The following ZNF577 variants were observed in gnomAD, a reference collection of about 807,000 sequenced individuals.
The protein encoded by ZNF577 is zinc finger protein 577.
ZNF577 carries 14 observed loss-of-function variants against 13.9 expected under a neutral mutation model. The observed-to-expected ratio is 1.00, with a 90% CI of 0.66 to 1.57. The LOEUF is 1.57. Among genes scored for constraint, ZNF577 ranks in the 40% most tolerant of loss-of-function variants. The pLI, the probability that ZNF577 is intolerant of heterozygous loss-of-function variation, is 0.00. For missense variants in ZNF577, 555 were observed against 579.2 expected, an observed-to-expected ratio of 0.96 and a Z score of 0.43; for synonymous variants, 203 against 202.9, an observed-to-expected ratio of 1.00 and a Z score of 0.00.
intron 9 of ZNF577, among the ~76,000 whole-genome samples, chr19:51,832,519 C>T (rs1038614589): frequency 2.0e-5 from 3 of 151,992 alleles, no homozygotes; most frequent in Non-Finnish European, 4.4e-5. Context: ...CCATGCCTGG[C>T]TAATCAACCA....
At chr19:51,839,212 T>G (rs941352900) in intron 9 of ZNF577, among the ~76,000 whole-genome samples, 6 of 152,166 alleles carry the variant, frequency 3.9e-5, no homozygotes, top group Admixed American at 1.3e-4. Context: ...ACTAAAATGT[T>G]ATTTCAAAGG....
intron 5 of ZNF577, among the ~76,000 whole-genome samples, chr19:51,845,413 C>T (rs955107229): frequency 5.9e-5 from 9 of 151,796 alleles, no homozygotes; most frequent in Admixed American, 2.0e-4. Context: ...CGCTTGAACC[C>T]GGGAGGTGGA....
Position 51,824,265 on chromosome 19 carries a change from G to A in ZNF577, c.*600-12591C>T, listed in dbSNP as rs770844356. On this transcript the variant is annotated intron_variant and NMD_transcript_variant, in intron 9 of 10. Transcript: ENST00000638827. This position sits in a 1 kb window ranked among gnomAD's most constrained non-coding sequence, Gnocchi z 4.7. ...GACTACAATAAGTACTACGAATGGG[G>A]ACACATACTGTATTTTCAACTTTGC... The A allele has an allele frequency of 2.0e-5, 32 of 1,614,046 alleles. No individual in the cohort carries two copies. In the Admixed American group the frequency reaches 5.3e-4, roughly 27 times the overall value.
At chr19:51,844,617 G>C (rs901988758) in intron 6 of ZNF577, 1 of 152,096 alleles carries the variant, frequency 6.6e-6, no homozygotes, top group African/African-American at 2.4e-5. Context: ...TTCCTAACTG[G>C]CTACTCTTGA....
chr19:51,878,150 A>G, intron 4 of ZNF577: 3 of 263,894 alleles, frequency 1.1e-5, no homozygotes, highest in Non-Finnish European at 2.2e-5. Flanking sequence ...ACAGAGTTTC[A>G]GTTTTAGAAG....
At chr19:51,840,643 C>T (rs1457570247) in intron 8 of ZNF577, 1 of 152,102 alleles carries the variant, frequency 6.6e-6, no homozygotes, top group African/African-American at 2.4e-5. Flanking sequence ...CATGTGTATT[C>T]TGAACAGTCA....
downstream of ZNF577, among the ~76,000 whole-genome samples, chr19:51,863,942 G>A (rs1266145567): frequency 2.6e-5 from 4 of 152,130 alleles, no homozygotes; most frequent in African/African-American, 4.8e-5. Context: ...AAACAAAAAC[G>A]TTTAGGCCGA....
chr19:51,831,240 T>A (rs2084259729), intron 9 of ZNF577, among the ~76,000 whole-genome samples: 1 of 152,106 alleles, frequency 6.6e-6, no homozygotes, highest in Admixed American at 6.5e-5. Context: ...TTCAGCCTCC[T>A]AAGTAGTTGG....
chr19:51,845,098 G>A (rs2084343588), intron 5 of ZNF577, among the ~76,000 whole-genome samples: 1 of 152,088 alleles, frequency 6.6e-6, no homozygotes, highest in African/African-American at 2.4e-5. Context: ...TATATACTGT[G>A]GAATGGCTAA....
chr19:51,873,341 T>C lies in ZNF577; in HGVS notation c.649A>G (p.Ser217Gly), dbSNP rs575144492. 21 of 1,614,222 alleles carry C rather than the reference T, an allele frequency of 1.3e-5. No individual in the cohort carries two copies. In the African/African-American group the frequency reaches 2.3e-4, roughly 17 times the overall value. The change falls in exon 6 of 6, where the codon AGT becomes GGT. Residue 217 changes from serine (S) to glycine (G), a missense_variant. Ser to Gly is a moderately conservative substitution (Grantham distance 56). Transcript: ENST00000638348. ...THTGEKPHEC[S>G]ECGKAFSRKS... ...CTGGAGAAGGCTTTTCCACATTCAC[T>C]ACATTCATGGGGCTTCTCTCCTGTG...
chr19:51,874,469 G>GA (rs2084722835), intron 5 of ZNF577, among the ~76,000 whole-genome samples: 1 of 146,956 alleles, frequency 6.8e-6, no homozygotes, highest in Non-Finnish European at 1.5e-5. Context: ...CCCAGAGGCA[G>GA]AAAAAACTTA....
rs1353806217 is a variant in ZNF577 at position 51,841,651 on chromosome 19, GCTCATGCCTGTAAT to G, written c.*374+1156_*374+1169del. On this transcript the variant is annotated intron_variant and NMD_transcript_variant, in intron 8 of 10. Transcript: ENST00000638827. ...AGAAAATATTAGGCCCGATGCGGTGGCTCATGCCTGTAATCTCAGCACTTTGGGGGGCCAAGGCG... is the reference window on the plus strand; with the variant it reads ...AGAAAATATTAGGCCCGATGCGGTGGCTCAGCACTTTGGGGGGCCAAGGCG... Among the ~76,000 whole-genome samples the G allele has an allele frequency of 4.6e-5, 7 of 152,294 alleles. No homozygotes were observed. The East Asian group carries it at 1.4e-3, about 29-fold the overall frequency.
chr19:51,869,931 A>G lies in ZNF577; in HGVS notation c.*2601T>C, dbSNP rs913049315. 1.3e-5 allele frequency among the ~76,000 whole-genome samples: 2 copies of G among 152,140 alleles called. No individual in the cohort carries two copies. Among genetic ancestry groups the G allele is most frequent in the African/African-American group, 4.8e-5 (2 of 41,418 alleles). On this transcript the variant is annotated 3_prime_UTR_variant, in exon 6 of 6. Transcript: ENST00000638348. ...GCCTCAGTTCCCAGAGAAGGCAAAG[A>G]GGGGCTAAACACCGGGTAGACTACA... is the stretch of plus-strand genomic sequence containing the variant.
intron 9 of ZNF577, among the ~76,000 whole-genome samples, chr19:51,813,903 T>C (rs924486269): frequency 6.6e-6 from 1 of 152,168 alleles, no homozygotes; most frequent in Non-Finnish European, 1.5e-5. Context: ...ATCTTCATCC[T>C]TCTGGCTCTG....
intron 1 of ZNF577, among the ~76,000 whole-genome samples, chr19:51,882,248 G>T (rs1398185040): frequency 6.6e-6 from 1 of 152,082 alleles, no homozygotes. Context: ...AGAAGCTCAT[G>T]GCAGGCTTTC....
chr19:51,822,398 C>A (rs908984569), intron 9 of ZNF577, among the ~76,000 whole-genome samples: 1 of 151,992 alleles, frequency 6.6e-6, no homozygotes, highest in African/African-American at 2.4e-5. Context: ...AACAAAATTG[C>A]GATTTGATTT....
At chr19:51,856,377 C>A (rs1364289300) in intron 5 of ZNF577, among the ~76,000 whole-genome samples, 1 of 152,100 alleles carries the variant, frequency 6.6e-6, no homozygotes. Context: ...GTTAAAAATT[C>A]GAATATGTCC....
rs2084647837 is a variant in ZNF577, at chr19:51,870,809, T to C, written c.*1723A>G. On this transcript the variant is annotated 3_prime_UTR_variant, in exon 6 of 6. Transcript: ENST00000638348. ...GATCTGCTTGGGTTTCTCCTCCCAA[T>C]CCTGCAGACTGGAAACTTTCTCCAG... Among the ~76,000 whole-genome samples the C allele has an allele frequency of 6.6e-6, 1 of 152,134 alleles. No homozygotes were observed. The highest frequency in any genetic ancestry group is 2.4e-5 in the African/African-American group (1 of 41,430).
intron 5 of ZNF577, 57 bp from the exon 6 acceptor site, chr19:51,873,763 A>C: frequency 7.7e-7 from 1 of 1,300,838 alleles, no homozygotes; most frequent in Admixed American, 2.3e-5. Context: ...TCTTTACATT[A>C]AAGGAACAAT....
Sources: gnomAD v4.1 joint callset for allele counts (sites outside exome capture counted in the v4.1 genomes callset) on GRCh38, gnomAD v4.1.1 for gene constraint, Gnocchi (gnomAD v3.1) non-coding constraint, MANE v1.5 for transcripts, NCBI Gene and HGNC (gene_info 2026-07-23, HGNC 2026-07-21) for gene names.